TCERG1L: variants seen among roughly 807,000 people sequenced by gnomAD.
TCERG1L encodes the protein transcription elongation regulator 1-like protein.
A neutral mutation model predicts 56.3 loss-of-function variants in TCERG1L; 37 were observed. That is an observed-to-expected ratio of 0.66 (90% CI 0.51 to 0.87). The LOEUF (loss-of-function observed/expected upper bound fraction) is 0.87, where lower values mean the gene tolerates loss of function less well. TCERG1L is among the 40% of genes least tolerant of loss of function. The pLI, the probability that TCERG1L is intolerant of heterozygous loss-of-function variation, is 0.00. For synonymous variants in TCERG1L, 324 were observed against 326.3 expected (o/e 0.99, Z 0.08); for missense variants, 799 against 774.2 (o/e 1.03, Z -0.38).
rs186575320 is a variant in TCERG1L at position 131,256,833 on chromosome 10, G to A, written c.856+3426C>T. On this transcript the variant is annotated intron_variant, in intron 4 of 11. Transcript: ENST00000368642. ...CAGGAGGCAGAGGTTGCAATGAGCC[G>A]AGACCGCACCACTGCACTCTCAGCC... 8.1e-3 allele frequency among the ~76,000 whole-genome samples: 1,228 copies of A among 151,240 alleles called. 22 individuals are homozygous for A. Among genetic ancestry groups the A allele is most frequent in the African/African-American group, 0.028 (1,146 of 41,112 alleles).
At chr10:131,274,812 C>T (rs1260240744) in intron 3 of TCERG1L, among the ~76,000 whole-genome samples, 1 of 152,158 alleles carries the variant, frequency 6.6e-6, no homozygotes, top group Non-Finnish European at 1.5e-5. Flanking sequence ...ATCACCGCTT[C>T]GCTTAGCAGC....
At chr10:131,136,177 G>C (rs1291880783) in intron 7 of TCERG1L, among the ~76,000 whole-genome samples, 1 of 152,216 alleles carries the variant, frequency 6.6e-6, no homozygotes, top group African/African-American at 2.4e-5. Flanking sequence ...CCATGGAAGG[G>C]AAGAGAGGAC....
At chr10:131,105,187 G>A (rs891912636) in intron 9 of TCERG1L, among the ~76,000 whole-genome samples, 2 of 152,216 alleles carry the variant, frequency 1.3e-5, no homozygotes, top group African/African-American at 4.8e-5. Context: ...CTGGGGTTAT[G>A]GGTTTGGGGA....
intron 4 of TCERG1L, among the ~76,000 whole-genome samples, chr10:131,183,796 C>G (rs887114891): frequency 6.6e-6 from 1 of 152,116 alleles, no homozygotes; most frequent in Non-Finnish European, 1.5e-5. Flanking sequence ...GTGCATTGCT[C>G]TTCTTCTTAC....
intron 9 of TCERG1L, among the ~76,000 whole-genome samples, chr10:131,107,668 T>C (rs2133383889): frequency 6.6e-6 from 1 of 152,216 alleles, no homozygotes; most frequent in South Asian, 2.1e-4. Context: ...TTCCCGAGCC[T>C]GCGTGAAACA....
At chr10:131,299,994 G>A (rs75481881) in intron 3 of TCERG1L, among the ~76,000 whole-genome samples, 2,203 of 152,132 alleles carry the variant, frequency 0.014, 46 homozygotes, top group Middle Eastern at 0.017. Context: ...CTCTTCTTTT[G>A]TGTAGAGGTA....
intron 4 of TCERG1L, among the ~76,000 whole-genome samples, chr10:131,234,569 C>T (rs748501694): frequency 1.9e-4 from 29 of 152,226 alleles, no homozygotes; most frequent in African/African-American, 3.1e-4. Flanking sequence ...GCTTACATCA[C>T]GGGAGAAAGA....
At chr10:131,137,367 C>T (rs1329018758) in intron 7 of TCERG1L, among the ~76,000 whole-genome samples, 1 of 152,222 alleles carries the variant, frequency 6.6e-6, no homozygotes, top group Non-Finnish European at 1.5e-5. Flanking sequence ...GTCGTTCCTC[C>T]CTGCGTCACT....
intron 3 of TCERG1L, among the ~76,000 whole-genome samples, chr10:131,265,648 CAA>C (rs199709400): frequency 6.6e-6 from 1 of 152,168 alleles, no homozygotes; most frequent in African/African-American, 2.4e-5. Context: ...CCAATGCATA[CAA>C]AAGTTATGTT....
intron 3 of TCERG1L, among the ~76,000 whole-genome samples, chr10:131,286,727 T>C (rs975683764): frequency 3.3e-5 from 5 of 152,202 alleles, no homozygotes; most frequent in South Asian, 2.1e-4. Context: ...TGGTAACAAA[T>C]GAGCATGAAG....
chr10:131,290,294 T>C (rs1004015275), intron 3 of TCERG1L, among the ~76,000 whole-genome samples: 1 of 152,230 alleles, frequency 6.6e-6, no homozygotes, highest in African/African-American at 2.4e-5. Context: ...TATACTGTTC[T>C]CCAAATTTGG....
At chr10:131,134,072 C>CCTGG (rs1845648439) in intron 8 of TCERG1L, among the ~76,000 whole-genome samples, 1 of 152,204 alleles carries the variant, frequency 6.6e-6, no homozygotes, top group African/African-American at 2.4e-5. Flanking sequence ...CTCCTATGCA[C>CCTGG]CTGGCCCCCA....
intron 3 of TCERG1L, among the ~76,000 whole-genome samples, chr10:131,264,897 G>A (rs1846270445): frequency 6.6e-6 from 1 of 152,184 alleles, no homozygotes; most frequent in Non-Finnish European, 1.5e-5. Flanking sequence ...CAGCGTGAGG[G>A]TCCCACGTCT....
At chr10:131,187,637 C>T (rs1845259016) in intron 4 of TCERG1L, among the ~76,000 whole-genome samples, 1 of 152,146 alleles carries the variant, frequency 6.6e-6, no homozygotes, top group South Asian at 2.1e-4. Context: ...AATAATCTGC[C>T]GCTTCTGGGG....
intron 4 of TCERG1L, among the ~76,000 whole-genome samples, chr10:131,195,231 T>C (rs561663479): frequency 6.6e-6 from 1 of 152,342 alleles, no homozygotes; most frequent in South Asian, 2.1e-4. Context: ...AAACCGTGTA[T>C]GTGAAGCCTG....
At position 131,287,828 on chromosome 10, in the gene TCERG1L, G is replaced by A. The variant is rs200028531; in HGVS notation, c.670+20383C>T. Among the ~76,000 whole-genome samples the A allele has an allele frequency of 5.4e-4, 83 of 152,302 alleles. 1 individual carries two copies. The East Asian group carries it at 0.011, about 21-fold the overall frequency. On this transcript the variant is annotated intron_variant, in intron 3 of 11. Transcript: ENST00000368642. ...TCACAGATGAGAACACTGAGGGACA[G>A]GGGTGCTCAGTCAACTTCTCAAGGT...
chr10:131,106,462 G>T (rs1309732551), intron 9 of TCERG1L, among the ~76,000 whole-genome samples: 1 of 152,192 alleles, frequency 6.6e-6, no homozygotes, highest in East Asian at 1.9e-4. Flanking sequence ...AGGACCAGCT[G>T]GTGGTGGGGA....
intron 4 of TCERG1L, among the ~76,000 whole-genome samples, chr10:131,259,040 T>A (rs1403967160): frequency 6.6e-6 from 1 of 152,222 alleles, no homozygotes; most frequent in Middle Eastern, 3.2e-3. Flanking sequence ...GCATGTTCAC[T>A]GACATGCTGA....
At chr10:131,134,300 C>G (rs1845651121) in intron 8 of TCERG1L, 79 bp downstream of exon 8, 1 of 1,308,020 alleles carries the variant, frequency 7.6e-7, no homozygotes, top group East Asian at 2.5e-5. Flanking sequence ...TCAATGTGGT[C>G]AAAATGATGC....
Sources: gnomAD v4.1 joint callset for allele counts (sites outside exome capture counted in the v4.1 genomes callset) on GRCh38, gnomAD v4.1.1 for gene constraint, MANE v1.5 for transcripts, NCBI Gene and HGNC (gene_info 2026-07-23, HGNC 2026-07-21) for gene names.